Variants in PCDHGB1 observed in about 807,000 individuals in gnomAD.
PCDHGB1 encodes protocadherin gamma subfamily B, 1.
In PCDHGB1, 34 loss-of-function variants were observed where a neutral mutation model predicts 56.6. The observed-to-expected ratio is 0.60, with a 90% confidence interval of 0.46 to 0.80. PCDHGB1 has a LOEUF of 0.80. Among genes scored for constraint, PCDHGB1 ranks in the 30% least tolerant of loss-of-function variants. PCDHGB1 has a pLI of 0.00. For synonymous variants in PCDHGB1, 561 were observed against 505.9 expected, an observed-to-expected ratio of 1.11 and a Z score of -1.46; for missense variants, 1,278 against 1,204.6, an observed-to-expected ratio of 1.06 and a Z score of -0.90.
intron 3 of PCDHGB1, 94 bp downstream of exon 3, chr5:141,505,575 C>T: frequency 6.3e-7 from 1 of 1,592,302 alleles, no homozygotes. Context: ...GATGTCAAAC[C>T]TGTGTAGTTT....
Position 141,491,650 on chromosome 5 carries a change from G to C in PCDHGB1, c.2410-3157G>C, listed in dbSNP as rs1283977913. On this transcript the variant is annotated intron_variant, in intron 1 of 3. Coordinates refer to ENST00000523390, the MANE Select transcript of PCDHGB1 (RefSeq NM_018922.3). The surrounding 1 kb of genome is among the most constrained non-coding windows in gnomAD (Gnocchi z 6.9). ...TCAGCAGCCCACAGCTCTGGCGCTG[G>C]AGCCTGACGCCATCCGGTCCCGCTC... The C allele has an allele frequency of 6.2e-7, 1 of 1,613,876 alleles. No individual in the cohort carries two copies. The highest frequency in any genetic ancestry group is 1.7e-5 in the Admixed American group (1 of 60,034).
In PCDHGB1 at chr5:141,351,109, AAGT is replaced by A; in HGVS notation, c.851_853del (p.Ser284del). The stretch of plus-strand genomic sequence containing the variant: ...CCTATGCCTTCCTCAATTCCCCAAT[AAGT>A]ACCAGCCTCTTCAATCTCAATCCAA... On this transcript the variant is annotated inframe_deletion, in exon 1 of 4. Coordinates refer to ENST00000523390, the MANE Select transcript of PCDHGB1 (RefSeq NM_018922.3). 1 of 1,614,046 alleles carries A rather than the reference AAGT, an allele frequency of 6.2e-7. No homozygotes were observed. The highest frequency in any genetic ancestry group is 8.5e-7 in the Non-Finnish European group (1 of 1,179,896).
intron 1 of PCDHGB1, among the ~76,000 whole-genome samples, chr5:141,472,913 G>A (rs1049221725): frequency 2.0e-5 from 3 of 147,764 alleles, no homozygotes; most frequent in African/African-American, 2.5e-5. Context: ...TTGAACCCAA[G>A]AGGAGGAGGT....
Position 141,491,208 on chromosome 5 carries a change from C to A in PCDHGB1, c.2410-3599C>A. ...TGAGGGACAATGGTGACCCTTCACT[C>A]TCCTCCACAGCCACAGTGCTGCTGG... On this transcript the variant is annotated intron_variant, in intron 1 of 3. Coordinates refer to ENST00000523390, the MANE Select transcript of PCDHGB1 (RefSeq NM_018922.3). The surrounding 1 kb of genome is among the most constrained non-coding windows in gnomAD (Gnocchi z 6.9). The A allele has an allele frequency of 6.2e-7, 1 of 1,614,204 alleles. No homozygotes were observed. Among genetic ancestry groups the A allele is most frequent in the African/African-American group, 1.3e-5 (1 of 75,058 alleles).
chr5:141,365,709 C>G (rs1476757852), intron 1 of PCDHGB1: 2 of 1,613,646 alleles, frequency 1.2e-6, no homozygotes, highest in African/African-American at 2.7e-5. Context: ...TACTCCACCT[C>G]TGTCACAGAA....
At chr5:141,428,188 G>C (rs1023078587) in intron 1 of PCDHGB1, 1 of 1,433,232 alleles carries the variant, frequency 7.0e-7, no homozygotes, top group African/African-American at 1.4e-5. Flanking sequence ...GACAGCCGCC[G>C]CTCTCTGCGC....
At position 141,477,284 on chromosome 5, in the gene PCDHGB1, G is replaced by A. The variant is rs751714522; in HGVS notation, c.2410-17523G>A. 5.0e-6 allele frequency: 8 copies of A among 1,614,150 alleles called. No homozygotes were observed. The South Asian group carries it at 6.6e-5, about 13-fold the overall frequency. ...TGGCGAGAACGGGCTGGTGACCTGC[G>A]AAGTTCCACCGGGTCTCCCTTTCAG... On this transcript the variant is annotated intron_variant, in intron 1 of 3. Transcript: ENST00000523390. This position sits in a 1 kb window ranked among gnomAD's most constrained non-coding sequence, Gnocchi z 4.9.
intron 1 of PCDHGB1, among the ~76,000 whole-genome samples, chr5:141,459,160 T>C (rs1330588092): frequency 6.6e-6 from 1 of 152,228 alleles, no homozygotes; most frequent in African/African-American, 2.4e-5. Context: ...AGAACATTTC[T>C]ATAACCTTCA....
In PCDHGB1 at chr5:141,352,492, G is replaced by T. The variant is rs1188371318; in HGVS notation, c.2232G>T (p.Leu744Phe). ...CTCCCAACCACAGCGAGGGGACTTTGCCCTATTCCTACAATCTATGTATTG... is the reference window on the plus strand; with the variant it reads ...CTCCCAACCACAGCGAGGGGACTTTTCCCTATTCCTACAATCTATGTATTG... Reference protein sequence around the residue: ...GVPPNHSEGTLPYSYNLCIAS... With the variant: ...GVPPNHSEGTFPYSYNLCIAS... The change falls in exon 1 of 4, where the codon TTG becomes TTT. Residue 744 changes from leucine (L) to phenylalanine (F), a missense_variant. Transcript: ENST00000523390. 1 of 1,614,004 alleles carries T rather than the reference G, an allele frequency of 6.2e-7. No homozygotes were observed. Among genetic ancestry groups the T allele is most frequent in the Non-Finnish European group, 8.5e-7 (1 of 1,179,898 alleles).
At chr5:141,427,945 A>G (rs747625541) in intron 1 of PCDHGB1, 22 of 1,586,364 alleles carry the variant, frequency 1.4e-5, no homozygotes, top group Middle Eastern at 1.7e-4. Flanking sequence ...GGCGACCTCA[A>G]TGACAATGTG....
rs1023140435 is a variant in PCDHGB1, at chr5:141,415,749, T to G, written c.2409+63080T>G. The G allele has an allele frequency of 4.7e-4, 569 of 1,213,970 alleles. 1 individual carries two copies. Among genetic ancestry groups the G allele is most frequent in the Admixed American group, 3.5e-3 (90 of 25,886 alleles). The allele number at this position is 1,213,970 out of a possible 1,614,324, so 75.2% of individuals were successfully genotyped here. The stretch of plus-strand genomic sequence containing the variant: ...TTTGATGTTTATTAAGGTTTTTTTT[T>G]TTTTTTTTTTTTTTTTTTTTTTTAC... On this transcript the variant is annotated intron_variant, in intron 1 of 3. Transcript: ENST00000523390.
chr5:141,464,310 A>T lies in PCDHGB1; in HGVS notation c.2410-30497A>T, dbSNP rs1327900308. ...AAAAAACTCCATTGTATGTGCACAT[A>T]TCATTATCTGTTCAACCCATCTATG... On this transcript the variant is annotated intron_variant, in intron 1 of 3. Coordinates refer to ENST00000523390, the MANE Select transcript of PCDHGB1 (RefSeq NM_018922.3). 2.0e-5 allele frequency among the ~76,000 whole-genome samples: 3 copies of T among 151,494 alleles called. No homozygotes were observed. The East Asian group carries it at 5.8e-4, about 29-fold the overall frequency.
rs2099388776 is a variant in PCDHGB1, at chr5:141,476,308, C to T, written c.2410-18499C>T. On this transcript the variant is annotated intron_variant, in intron 1 of 3. Coordinates refer to ENST00000523390, the MANE Select transcript of PCDHGB1 (RefSeq NM_018922.3). The surrounding 1 kb of genome is among the most constrained non-coding windows in gnomAD (Gnocchi z 7.6). ...TGGATCTCGGTAGCCTCTCAGCCCG[C>T]AGGTTCCGGGTGGTGTCTGGAGCTA... The T allele has an allele frequency of 1.2e-6, 2 of 1,613,750 alleles. No individual in the cohort carries two copies. The highest frequency in any genetic ancestry group is 2.7e-5 in the African/African-American group (2 of 74,806).
intron 1 of PCDHGB1, chr5:141,372,535 G>T (rs1257455687): frequency 1.9e-6 from 3 of 1,613,808 alleles, no homozygotes; most frequent in East Asian, 2.2e-5. Flanking sequence ...ATCTCCCTGC[G>T]CCTGCGATGC....
At chr5:141,422,318 G>A (rs778935746) in intron 1 of PCDHGB1, 10 of 1,548,110 alleles carry the variant, frequency 6.5e-6, no homozygotes, top group Non-Finnish European at 7.8e-6. Context: ...TCTCCTCCAG[G>A]TACAGTGATT....
intron 1 of PCDHGB1, chr5:141,426,835 C>G (rs1038394702): frequency 6.6e-6 from 3 of 456,576 alleles, no homozygotes; most frequent in Non-Finnish European, 1.3e-5. Flanking sequence ...ATGGACAAGA[C>G]TAAAGGCAAG....
chr5:141,365,943 G>C (rs759969199), intron 1 of PCDHGB1: 3 of 1,614,204 alleles, frequency 1.9e-6, no homozygotes, highest in Non-Finnish European at 2.5e-6. Context: ...AGCGACAGTG[G>C]GAACCCTCCA....
At position 141,350,735 on chromosome 5, in the gene PCDHGB1, G is replaced by A. The variant is rs1304871310; in HGVS notation, c.475G>A (p.Val159Met). The A allele has an allele frequency of 8.7e-6, 14 of 1,613,870 alleles. No homozygotes were observed. The highest frequency in any genetic ancestry group is 7.6e-6 in the Non-Finnish European group (9 of 1,179,904). Residue 159 changes from valine to methionine, a missense_variant, in exon 1 of 4, where the codon GTG becomes ATG. By Grantham distance (21) the Val-to-Met change is conservative (BLOSUM62 1). Transcript: ENST00000523390. The part of the protein sequence containing the change: ...FSLDSAQDAD[V>M]EGNSLKLYTI... ...TCTGGATTCTGCTCAAGATGCAGAT[G>A]TGGAAGGCAATTCACTGAAGTTATA...
At chr5:141,436,335 A>T (rs2097814208) in intron 1 of PCDHGB1, among the ~76,000 whole-genome samples, 1 of 152,172 alleles carries the variant, frequency 6.6e-6, no homozygotes, top group African/African-American at 2.4e-5. Flanking sequence ...ACCATATCTC[A>T]AATATCAGTG....
Sources: gnomAD v4.1 joint callset for allele counts (sites outside exome capture counted in the v4.1 genomes callset) on GRCh38, gnomAD v4.1.1 for gene constraint, Gnocchi (gnomAD v3.1) non-coding constraint, MANE v1.5 for transcripts, NCBI Gene and HGNC (gene_info 2026-07-23, HGNC 2026-07-21) for gene names.